Variants in KIAA1755 observed in about 807,000 individuals in gnomAD.
KIAA1755 encodes KIAA1755.
In KIAA1755, 68 loss-of-function variants were observed where a neutral mutation model predicts 91.7. The observed-to-expected ratio is 0.74, with a 90% CI of 0.61 to 0.91. KIAA1755 has a LOEUF of 0.91. KIAA1755 is among the 40% of genes least tolerant of loss of function. The probability of loss-of-function intolerance (pLI) is 0.00; values close to 1 mark genes in which losing one functional copy is unlikely to be tolerated. For synonymous variants in KIAA1755, 610 were observed against 604.6 expected (o/e 1.01, Z -0.13); for missense variants, 1,535 against 1,494.4 (o/e 1.03, Z -0.45).
chr20:38,213,375 C>T lies in KIAA1755; in HGVS notation c.3270G>A (p.Trp1090Ter). 1 of 1,605,074 alleles carries T rather than the reference C, an allele frequency of 6.2e-7. No homozygotes were observed. Among genetic ancestry groups the T allele is most frequent in the South Asian group, 1.1e-5 (1 of 89,642 alleles). The change falls in exon 14 of 14, where the codon TGG becomes TGA. Residue 1090 changes from tryptophan (W) to a stop codon, truncating the protein, a stop_gained. Coordinates refer to ENST00000279024, the MANE Select transcript of KIAA1755 (RefSeq NM_001029864.2). LOFTEE classifies it low-confidence loss of function (END_TRUNC). ...VSVEVTSKGR[W>*]DQPPLDSLGM... ...CCAGTGAGTCTAGTGGAGGCTGATC[C>T]CACCTCCCCTTGGAAGTGACCTCTA... is the stretch of plus-strand genomic sequence containing the variant.
chr20:38,212,014 A>C lies in KIAA1755; in HGVS notation c.*1028T>G, dbSNP rs1471873502. On this transcript the variant is annotated 3_prime_UTR_variant, in exon 14 of 14. Coordinates refer to ENST00000279024, the MANE Select transcript of KIAA1755 (RefSeq NM_001029864.2). ...CCAGAAAGATCCAGCTACAGTTGCC[A>C]ACATGGAAATTTGTATGAGGGTGGG... is the stretch of plus-strand genomic sequence containing the variant. 6.6e-6 allele frequency: 1 copy of C among 152,206 alleles called. No homozygotes were observed. The highest frequency in any genetic ancestry group is 2.4e-5 in the African/African-American group (1 of 41,446). The allele number at this position is 152,206 out of a possible 1,614,324, so 9.4% of individuals were successfully genotyped here. A position where few individuals can be genotyped will look rare whatever the true frequency, so the allele number is the denominator to read the frequency against.
At chr20:38,254,529 T>G (rs2076306234) in intron 1 of KIAA1755, among the ~76,000 whole-genome samples, 1 of 152,186 alleles carries the variant, frequency 6.6e-6, no homozygotes, top group Admixed American at 6.5e-5. Flanking sequence ...GGCTCATGCC[T>G]ATAATCCCAG....
At chr20:38,231,021 C>A (rs1262584958) in intron 5 of KIAA1755, among the ~76,000 whole-genome samples, 181 bp downstream of exon 5, 1 of 152,204 alleles carries the variant, frequency 6.6e-6, no homozygotes, top group Non-Finnish European at 1.5e-5. Flanking sequence ...AGCCTGACAA[C>A]CCCCCGATGG....
intron 2 of KIAA1755, 151 bp downstream of exon 2, chr20:38,245,778 T>G: frequency 1.5e-6 from 1 of 673,346 alleles, no homozygotes; most frequent in East Asian, 2.7e-5. Flanking sequence ...TGTCTCCCCC[T>G]GGGCAAGCAA....
chr20:38,255,789 A>C (rs552420346), intron 1 of KIAA1755, among the ~76,000 whole-genome samples: 1 of 152,288 alleles, frequency 6.6e-6, no homozygotes, highest in African/African-American at 2.4e-5. Context: ...AGTGGCTGTC[A>C]GAAGACCCAC....
chr20:38,231,174 G>T, intron 5 of KIAA1755, 28 bp downstream of exon 5: 1 of 1,600,848 alleles, frequency 6.2e-7, no homozygotes, highest in South Asian at 1.1e-5. Flanking sequence ...GGTGGGGATG[G>T]AGCAGTCAGG....
intron 12 of KIAA1755, 158 bp from the exon 13 acceptor site, chr20:38,217,632 C>T: frequency 3.3e-6 from 2 of 605,384 alleles, no homozygotes; most frequent in Non-Finnish European, 5.9e-6. Flanking sequence ...GCACCCACCT[C>T]ACAGGGCTTA....
intron 1 of KIAA1755, among the ~76,000 whole-genome samples, chr20:38,259,732 AGCTGGGC>A (rs1181240549): frequency 2.6e-5 from 4 of 151,094 alleles, no homozygotes; most frequent in Non-Finnish European, 5.9e-5. Flanking sequence ...ATCTGTCTGG[AGCTGGGC>A]TGAAATCCTC....
chr20:38,249,586 T>A (rs932764121), intron 1 of KIAA1755, among the ~76,000 whole-genome samples: 3 of 152,104 alleles, frequency 2.0e-5, no homozygotes, highest in African/African-American at 4.8e-5. Context: ...GTAGAATGAA[T>A]GAGTGAATGA....
chr20:38,228,429 TG>T (rs2075799748), intron 5 of KIAA1755, among the ~76,000 whole-genome samples, 189 bp from the exon 6 acceptor site: 1 of 152,192 alleles, frequency 6.6e-6, no homozygotes, highest in Admixed American at 6.5e-5. Context: ...CAGAGCCTTT[TG>T]CTTCCTCTTT....
At chr20:38,217,883 C>G in intron 12 of KIAA1755, 1 of 393,472 alleles carries the variant, frequency 2.5e-6, no homozygotes, top group Non-Finnish European at 4.6e-6. Context: ...AGCGCTGATA[C>G]GGGGCTGAAT....
intron 2 of KIAA1755, 54 bp downstream of exon 2, chr20:38,245,875 C>T (rs2076150076): frequency 1.3e-6 from 2 of 1,566,158 alleles, no homozygotes; most frequent in Non-Finnish European, 1.8e-6. Flanking sequence ...CGCCTCTAGC[C>T]CCATGACTTT....
chr20:38,228,622 C>T (rs1449263509), intron 5 of KIAA1755, among the ~76,000 whole-genome samples: 4 of 152,178 alleles, frequency 2.6e-5, no homozygotes, highest in South Asian at 4.1e-4. Context: ...CAGAGCCTGG[C>T]TTCTGATTGG....
chr20:38,234,918 G>A (rs940754486), intron 4 of KIAA1755, among the ~76,000 whole-genome samples: 5 of 152,160 alleles, frequency 3.3e-5, no homozygotes, highest in Admixed American at 6.5e-5. Context: ...TCTCAGAACC[G>A]TGGCTTGAAG....
Position 38,217,425 on chromosome 20 carries a change from C to T in KIAA1755, c.2729G>A (p.Gly910Glu). 1.9e-6 allele frequency: 3 copies of T among 1,612,914 alleles called. No individual in the cohort carries two copies. Among genetic ancestry groups the T allele is most frequent in the Non-Finnish European group, 2.5e-6 (3 of 1,179,614 alleles). Reference sequence around the variant, plus strand: ...CTCCCCAGCCCCTCTGGCTGTAGCTCCCAGCTGAGCGGCCTGCTTGGACAG... The same window carrying T: ...CTCCCCAGCCCCTCTGGCTGTAGCTTCCAGCTGAGCGGCCTGCTTGGACAG... Reference protein sequence around the residue: ...LELSKQAAQLGATARGAGEAE... With the variant: ...LELSKQAAQLEATARGAGEAE... Residue 910 changes from glycine (G) to glutamate (E), a missense_variant, in exon 13 of 14, where the codon GGA becomes GAA. Physicochemically the swap from Gly to Glu is moderately conservative, Grantham distance 98 (BLOSUM62 -2). Transcript: ENST00000279024.
intron 2 of KIAA1755, among the ~76,000 whole-genome samples, chr20:38,242,133 A>T (rs2076080983): frequency 6.6e-6 from 1 of 152,188 alleles, no homozygotes; most frequent in African/African-American, 2.4e-5. Context: ...TGGAAATCCT[A>T]GCCTACTGAC....
rs1429172168 is a variant in KIAA1755 at position 38,213,333 on chromosome 20, T to C, written c.3312A>G (p.Pro1104=). The change falls in exon 14 of 14, where the codon CCA becomes CCG. Residue 1104 remains proline, a synonymous_variant. Coordinates refer to ENST00000279024, the MANE Select transcript of KIAA1755 (RefSeq NM_001029864.2). ...PLDSLGMDHL[P]KSYWPPGPPR... ...GGGGCCCAGGAGGCCAATAGGACTTTGGCAAATGGTCCATGCCCAGTGAGT... is the reference window on the plus strand; with the variant it reads ...GGGGCCCAGGAGGCCAATAGGACTTCGGCAAATGGTCCATGCCCAGTGAGT... 2 of 1,612,518 alleles carry C rather than the reference T, an allele frequency of 1.2e-6. No homozygotes were observed. Among genetic ancestry groups the C allele is most frequent in the Non-Finnish European group, 1.7e-6 (2 of 1,179,204 alleles).
At chr20:38,234,086 G>A (rs1035695022) in intron 4 of KIAA1755, among the ~76,000 whole-genome samples, 1 of 152,132 alleles carries the variant, frequency 6.6e-6, no homozygotes, top group South Asian at 2.1e-4. Flanking sequence ...CCAACACCTT[G>A]ATCTTGGACT....
At chr20:38,216,912 G>T in intron 13 of KIAA1755, 1 of 547,656 alleles carries the variant, frequency 1.8e-6, no homozygotes, top group Non-Finnish European at 3.5e-6. Context: ...CTTCTCTTTG[G>T]GGAAGCATAT....
Sources: allele counts gnomAD v4.1 joint callset (sites outside exome capture counted in the v4.1 genomes callset), GRCh38; gene constraint gnomAD v4.1.1; transcripts MANE v1.5; gene names NCBI Gene and HGNC (gene_info 2026-07-23, HGNC 2026-07-21).